The following MIR2052HG variants were observed in gnomAD, a reference collection of about 807,000 sequenced individuals.
MIR2052HG encodes the protein MIR2052 host gene.
chr8:74,735,813 CA>C (rs1290440684), intron 4 of MIR2052HG, among the ~76,000 whole-genome samples: 1 of 151,902 alleles, frequency 6.6e-6, no homozygotes, highest in Non-Finnish European at 1.5e-5. Flanking sequence ...CTTGTGAAAT[CA>C]AAAAAGGACA....
intron 1 of MIR2052HG, among the ~76,000 whole-genome samples, chr8:74,601,418 A>G (rs564605108): frequency 6.6e-6 from 1 of 152,320 alleles, no homozygotes; most frequent in South Asian, 2.1e-4. Context: ...TGTCTCCTAC[A>G]GAGACTGCTT....
chr8:74,710,499 T>C (rs1202711765), intron 4 of MIR2052HG, among the ~76,000 whole-genome samples: 4 of 152,182 alleles, frequency 2.6e-5, no homozygotes, highest in Non-Finnish European at 5.9e-5. Context: ...GGGTGACACT[T>C]GTCTTAATTT....
chr8:74,720,456 A>G (rs555772409), intron 4 of MIR2052HG, among the ~76,000 whole-genome samples: 2 of 152,106 alleles, frequency 1.3e-5, no homozygotes, highest in Non-Finnish European at 1.5e-5. Flanking sequence ...AGTTTTGTTA[A>G]TATAGTGGTA....
intron 1 of MIR2052HG, among the ~76,000 whole-genome samples, chr8:74,602,825 C>CTTTCTTTCTTTCT (rs1563508431): frequency 7.9e-6 from 1 of 125,984 alleles, no homozygotes. Context: ...GTGTTTCTTT[C>CTTTCTTTCTTTCT]TTTCTTTCTT....
intron 2 of MIR2052HG, among the ~76,000 whole-genome samples, chr8:74,688,285 A>G (rs1276172327): frequency 2.6e-5 from 4 of 152,248 alleles, no homozygotes; most frequent in African/African-American, 7.2e-5. Context: ...TTACTTTTGT[A>G]TATATTGTAC....
intron 4 of MIR2052HG, among the ~76,000 whole-genome samples, chr8:74,734,237 T>G (rs1809724461): frequency 6.6e-6 from 1 of 152,224 alleles, no homozygotes; most frequent in Admixed American, 6.5e-5. Context: ...AAATGTGACC[T>G]TTGTAAACAG....
intron 4 of MIR2052HG, among the ~76,000 whole-genome samples, chr8:74,742,459 A>G (rs886471109): frequency 2.6e-5 from 4 of 152,168 alleles, no homozygotes; most frequent in African/African-American, 9.7e-5. Context: ...AGAATCTATG[A>G]AGAATTATAT....
At chr8:74,730,051 A>G (rs1230624889) in intron 4 of MIR2052HG, among the ~76,000 whole-genome samples, 1 of 152,190 alleles carries the variant, frequency 6.6e-6, no homozygotes, top group East Asian at 1.9e-4. Context: ...ATAGATGAAG[A>G]TGAGCTGAGT....
chr8:74,634,432 A>G (rs1808556117), intron 2 of MIR2052HG, among the ~76,000 whole-genome samples: 1 of 152,206 alleles, frequency 6.6e-6, no homozygotes, highest in Admixed American at 6.5e-5. Flanking sequence ...ATAACCCGTC[A>G]CCTGTATCTT....
chr8:74,755,797 G>A (rs1363802691), intron 5 of MIR2052HG, among the ~76,000 whole-genome samples: 1 of 152,200 alleles, frequency 6.6e-6, no homozygotes, highest in Non-Finnish European at 1.5e-5. Flanking sequence ...AGGGATAGAA[G>A]TGGGTGTAAT....
chr8:74,720,012 C>G (rs1313812211), intron 4 of MIR2052HG, among the ~76,000 whole-genome samples: 1 of 151,786 alleles, frequency 6.6e-6, no homozygotes, highest in Non-Finnish European at 1.5e-5. Flanking sequence ...CCATGCCCGG[C>G]TAATTTGTTT....
At chr8:74,752,953 C>A (rs1388104660) in intron 5 of MIR2052HG, among the ~76,000 whole-genome samples, 1 of 152,190 alleles carries the variant, frequency 6.6e-6, no homozygotes, top group Admixed American at 6.5e-5. Context: ...ATGCAAGTGA[C>A]TATTTAGCTC....
chr8:74,642,884 T>C (rs2128735422), intron 2 of MIR2052HG, among the ~76,000 whole-genome samples: 1 of 152,314 alleles, frequency 6.6e-6, no homozygotes, highest in Non-Finnish European at 1.5e-5. Context: ...CCTCAAATTC[T>C]AATTGTGCTT....
chr8:74,683,474 GGA>G (rs890439871), intron 2 of MIR2052HG, among the ~76,000 whole-genome samples: 1 of 152,074 alleles, frequency 6.6e-6, no homozygotes, highest in African/African-American at 2.4e-5. Flanking sequence ...AGTAGCAACA[GGA>G]GAATTACACT....
At chr8:74,655,283 A>G in intron 2 of MIR2052HG, among the ~76,000 whole-genome samples, 1 of 152,242 alleles carries the variant, frequency 6.6e-6, no homozygotes, top group East Asian at 1.9e-4. Flanking sequence ...TGCATAACTA[A>G]CAAGGAGCCG....
intron 2 of MIR2052HG, among the ~76,000 whole-genome samples, chr8:74,624,774 G>C (rs1808412177): frequency 6.6e-6 from 1 of 152,116 alleles, no homozygotes; most frequent in Admixed American, 6.5e-5. Context: ...TAAATACTTT[G>C]AGGTGTGTTC....
intron 4 of MIR2052HG, among the ~76,000 whole-genome samples, chr8:74,712,618 T>C (rs931443077): frequency 6.6e-6 from 1 of 152,134 alleles, no homozygotes; most frequent in Non-Finnish European, 1.5e-5. Flanking sequence ...TCACTTGAAA[T>C]TGTAGTCCAG....
At chr8:74,700,156 A>G (rs1017433503) in intron 2 of MIR2052HG, among the ~76,000 whole-genome samples, 1 of 152,198 alleles carries the variant, frequency 6.6e-6, no homozygotes, top group African/African-American at 2.4e-5. Context: ...ATATAGATAG[A>G]CAATGGTGGA....
chr8:74,654,945 G>A (rs1808789327), intron 2 of MIR2052HG, among the ~76,000 whole-genome samples: 1 of 152,154 alleles, frequency 6.6e-6, no homozygotes, highest in Admixed American at 6.5e-5. Context: ...ATAAGGCCCA[G>A]GCTGAGAAGG....
Sources: gnomAD v4.1 joint callset for allele counts (sites outside exome capture counted in the v4.1 genomes callset) on GRCh38, gnomAD v4.1.1 for gene constraint, MANE v1.5 for transcripts, NCBI Gene and HGNC (gene_info 2026-07-23, HGNC 2026-07-21) for gene names.